Variants in N4BP2 observed in about 807,000 individuals in gnomAD.
N4BP2 encodes NEDD4-binding protein 2.
In N4BP2, 91 loss-of-function variants were observed where a neutral mutation model predicts 152.8. The ratio of observed to expected loss-of-function variants is 0.60; its 90% confidence interval spans 0.50 to 0.71. The LOEUF is 0.71. Ranked by LOEUF, N4BP2 falls within the 30% of genes least tolerant of loss-of-function variation. The pLI is 0.00. For missense variants in N4BP2, 1,923 were observed against 2,059.1 expected, an observed-to-expected ratio of 0.93 and a Z score of 1.28; for synonymous variants, 646 against 705.3, an observed-to-expected ratio of 0.92 and a Z score of 1.33.
chr4:40,057,131 CGGCG>C (rs1733239481), intron 1 of N4BP2, 101 bp downstream of exon 1: 1 of 152,668 alleles, frequency 6.6e-6, no homozygotes, highest in Non-Finnish European at 1.5e-5. Context: ...CCTGAAGCAG[CGGCG>C]GGCGGCGCGG....
Position 40,136,977 on chromosome 4 carries a change from CTG to C in N4BP2, c.4684_4685del (p.Val1562SerfsTer2). 6.2e-7 allele frequency: 1 copy of C among 1,613,114 alleles called. No individual in the cohort carries two copies. Among genetic ancestry groups the C allele is most frequent in the Non-Finnish European group, 8.5e-7 (1 of 1,179,368 alleles). On this transcript the variant is annotated frameshift_variant, in exon 14 of 18. Coordinates refer to ENST00000261435, the MANE Select transcript of N4BP2 (RefSeq NM_018177.6). LOFTEE classifies it high-confidence loss of function. ...TAGAACACACAGTGCAATTTCTTAA[CTG>C]TGTTCTTGAAGGGGACCCTGTAAAA... ...SLEHTVQFLN[C>X]VLEGDPVKTV...
chr4:40,165,908 TCTC>T, the N4BP2 span, among the ~76,000 whole-genome samples: 2 of 152,218 alleles, frequency 1.3e-5, no homozygotes, highest in Admixed American at 6.5e-5. Flanking sequence ...TATTTCTTCC[TCTC>T]CTCCTTTCAC....
chr4:40,124,292 C>T, intron 11 of N4BP2, 87 bp downstream of exon 11: 1 of 866,458 alleles, frequency 1.2e-6, no homozygotes, highest in Non-Finnish European at 1.9e-6. Flanking sequence ...ATTACTTCCA[C>T]AAAATACGGT....
intron 1 of N4BP2, among the ~76,000 whole-genome samples, chr4:40,057,996 G>C (rs1391639046): frequency 6.6e-6 from 1 of 152,120 alleles, no homozygotes; most frequent in Non-Finnish European, 1.5e-5. Context: ...TTTTCTACTC[G>C]ACATCTTTGA....
the N4BP2 span, among the ~76,000 whole-genome samples, chr4:40,178,415 C>T: frequency 1.8e-5 from 2 of 112,250 alleles, no homozygotes; most frequent in South Asian, 3.8e-4. Flanking sequence ...TCCCCCGCCC[C>T]GCCACCAAAA....
chr4:40,179,759 C>CTTT, the N4BP2 span, among the ~76,000 whole-genome samples: 91 of 109,096 alleles, frequency 8.3e-4, no homozygotes, highest in East Asian at 2.3e-3. Flanking sequence ...TAAAGCCTTT[C>CTTT]TTTTTTTTTT....
At chr4:40,174,472 T>C in the N4BP2 span, among the ~76,000 whole-genome samples, 4 of 151,968 alleles carry the variant, frequency 2.6e-5, no homozygotes, top group Admixed American at 2.6e-4. Context: ...GTAGCCAGGA[T>C]GTGGAAACAA....
chr4:40,147,858 G>A (rs1229522700), intron 16 of N4BP2, among the ~76,000 whole-genome samples: 3 of 151,630 alleles, frequency 2.0e-5, no homozygotes, highest in African/African-American at 7.3e-5. Context: ...ACGGGGTCGC[G>A]GCCAGGCAGA....
At position 40,078,516 on chromosome 4, in the gene N4BP2, C is replaced by CT. The variant is rs869190007; in HGVS notation, c.-115+4978dup. ...GCATAGCAAACTTGGAATTAATATC[C>CT]TTTTTTTTTTTTTACTTTTTTTCTT... On this transcript the variant is annotated intron_variant, in intron 2 of 17. Transcript: ENST00000261435. 7.6e-3 allele frequency among the ~76,000 whole-genome samples: 1,078 copies of CT among 142,664 alleles called. 9 individuals carry two copies. The highest frequency in any genetic ancestry group is 0.024 in the African/African-American group (927 of 39,024). 93.6% of individuals were successfully genotyped at this position (142,664 alleles called of 152,430 possible).
chr4:40,129,990 T>C (rs915873451), intron 12 of N4BP2, among the ~76,000 whole-genome samples: 2 of 152,198 alleles, frequency 1.3e-5, no homozygotes, highest in Non-Finnish European at 2.9e-5. Flanking sequence ...AATCTGATGA[T>C]TGAATTTTTT....
chr4:40,078,113 A>ATGTGTGTGTGTGTGTG (rs71194969), intron 2 of N4BP2: 67 of 142,734 alleles, frequency 4.7e-4, no homozygotes, highest in African/African-American at 1.6e-3. Context: ...ATATTTCTAA[A>ATGTGTGTGTGTGTGTG]TGTGTGTGTG....
At chr4:40,110,172 A>G (rs1337462283) in intron 5 of N4BP2, among the ~76,000 whole-genome samples, 1 of 152,238 alleles carries the variant, frequency 6.6e-6, no homozygotes, top group Non-Finnish European at 1.5e-5. Context: ...ATGGATGAGT[A>G]AGATTCCACT....
rs955771066 is a variant in N4BP2 at position 40,110,287 on chromosome 4, A to G, written c.1499-1797A>G. On this transcript the variant is annotated intron_variant, in intron 5 of 17. Coordinates refer to ENST00000261435, the MANE Select transcript of N4BP2 (RefSeq NM_018177.6). ...ACAGTGCTGCTATAAACAAACACAC[A>G]TGTCTATGTCTAACCTTTTTAGGAA... Among the ~76,000 whole-genome samples, 8 of 152,346 alleles carry G rather than the reference A, an allele frequency of 5.3e-5. No individual in the cohort carries two copies. The East Asian group carries it at 1.5e-3, about 29-fold the overall frequency.
chr4:40,088,579 C>T (rs190869329), intron 2 of N4BP2, among the ~76,000 whole-genome samples: 1 of 151,702 alleles, frequency 6.6e-6, no homozygotes, highest in Non-Finnish European at 1.5e-5. Context: ...CCGCTCACTG[C>T]AGCCTCCGCC....
chr4:40,098,468 TTATA>T (rs1310138060), intron 3 of N4BP2, among the ~76,000 whole-genome samples: 1 of 152,194 alleles, frequency 6.6e-6, no homozygotes, highest in African/African-American at 2.4e-5. Context: ...AGAAGGGAGT[TTATA>T]TAAGTTGGCT....
chr4:40,147,803 C>T (rs1431120193), intron 16 of N4BP2, among the ~76,000 whole-genome samples: 4 of 151,624 alleles, frequency 2.6e-5, no homozygotes, highest in Admixed American at 6.6e-5. Context: ...GGGCTCCTCA[C>T]TTCTCAGACG....
rs201952832 is a variant in N4BP2 at position 40,144,623 on chromosome 4, A to G, written c.4975-9A>G. On this transcript the variant is annotated splice_polypyrimidine_tract_variant and intron_variant, in intron 15 of 17. Transcript: ENST00000261435. ...AAAACTGTCCCTTGGTGATATGTTT[A>G]TGATTTAGGGTACTCTTCATGAGCA... 3.1e-4 allele frequency: 498 copies of G among 1,598,478 alleles called. No individual in the cohort carries two copies. Among genetic ancestry groups the G allele is most frequent in the Non-Finnish European group, 4.1e-4 (480 of 1,172,086 alleles).
downstream of N4BP2, among the ~76,000 whole-genome samples, chr4:40,161,966 A>G (rs1204835299): frequency 1.3e-5 from 2 of 152,106 alleles, no homozygotes; most frequent in African/African-American, 2.4e-5. Flanking sequence ...CTGTCTCTTA[A>G]CCATTCTCAA....
In N4BP2 at chr4:40,128,539, G is replaced by GTT. The variant is rs11423243; in HGVS notation, c.4527+2220_4527+2221dup. Among the ~76,000 whole-genome samples the GTT allele has an allele frequency of 2.0e-3, 297 of 145,054 alleles. 5 individuals carry two copies. Among genetic ancestry groups the GTT allele is most frequent in the East Asian group, 0.018 (93 of 5,030 alleles). On this transcript the variant is annotated intron_variant, in intron 12 of 17. Transcript: ENST00000261435. The stretch of plus-strand genomic sequence containing the variant: ...GCAATGAATTTTCTTTCTTCTTTCT[G>GTT]TTTTTTTTTTTTGAGTCTCGTTCTG...
Sources: allele counts gnomAD v4.1 joint callset (sites outside exome capture counted in the v4.1 genomes callset), GRCh38; gene constraint gnomAD v4.1.1; transcripts MANE v1.5; gene names NCBI Gene and HGNC (gene_info 2026-07-23, HGNC 2026-07-21).